The following CLVS1 variants were observed in gnomAD, a reference collection of about 807,000 sequenced individuals.
CLVS1 encodes clavesin 1, also known as clavesin-1.
CLVS1 carries 10 observed loss-of-function variants against 33.1 expected under a neutral mutation model. That is an observed-to-expected ratio of 0.30 (90% CI 0.19 to 0.51). The LOEUF is 0.51. CLVS1 is among the 20% of genes least tolerant of loss of function. The pLI is 0.97. For synonymous variants in CLVS1, 163 were observed against 166.1 expected, an observed-to-expected ratio of 0.98 and a Z score of 0.14; for missense variants, 343 against 433.4, an observed-to-expected ratio of 0.79 and a Z score of 1.85.
chr8:61,033,054 A>G, the CLVS1 span, among the ~76,000 whole-genome samples: 247 of 62,250 alleles, frequency 4.0e-3, 3 homozygotes, highest in African/African-American at 0.011. Flanking sequence ...AGAAAAAGAA[A>G]GAAAGATAGA....
At position 61,340,010 on chromosome 8, in the gene CLVS1, GAAA is replaced by G. The variant is rs147133872; in HGVS notation, c.456-36592_456-36590del. ...AAAAAGAGAAAATGAAAGAAAGGAA[GAAA>G]AAGAAAGAAAGGAAAAGAAAGAAAA... On this transcript the variant is annotated intron_variant, in intron 2 of 5. Coordinates refer to ENST00000325897, the MANE Select transcript of CLVS1 (RefSeq NM_173519.3). Among the ~76,000 whole-genome samples, 510 of 98,350 alleles carry G rather than the reference GAAA, an allele frequency of 5.2e-3. 4 individuals are homozygous for G. Among genetic ancestry groups the G allele is most frequent in the Non-Finnish European group, 9.2e-3 (419 of 45,428 alleles). The allele number at this position is 98,350 out of a possible 152,430, so 64.5% of individuals were successfully genotyped here.
chr8:61,489,094 A>G (rs1242303883), intron 5 of CLVS1, among the ~76,000 whole-genome samples: 1 of 152,218 alleles, frequency 6.6e-6, no homozygotes, highest in Admixed American at 6.5e-5. Flanking sequence ...ATAAAGTACG[A>G]TTCTATAACC....
At chr8:61,474,804 T>TTA (rs1554578659) in intron 5 of CLVS1, among the ~76,000 whole-genome samples, 21 of 152,172 alleles carry the variant, frequency 1.4e-4, no homozygotes, top group Admixed American at 1.3e-3. Flanking sequence ...GTCTTTTTTT[T>TTA]TATATATATA....
At chr8:61,373,197 C>G (rs758238620) in intron 2 of CLVS1, among the ~76,000 whole-genome samples, 7 of 152,150 alleles carry the variant, frequency 4.6e-5, no homozygotes, top group Non-Finnish European at 5.9e-5. Context: ...AAGCCAAGAA[C>G]TAAGGAAATC....
At chr8:61,192,332 G>A (rs1301115307) in intron 2 of CLVS1, among the ~76,000 whole-genome samples, 1 of 152,128 alleles carries the variant, frequency 6.6e-6, no homozygotes, top group Non-Finnish European at 1.5e-5. Flanking sequence ...TATGTAGAAA[G>A]CTGAAACTGG....
chr8:60,994,906 A>G, the CLVS1 span, among the ~76,000 whole-genome samples: 2 of 151,976 alleles, frequency 1.3e-5, no homozygotes, highest in African/African-American at 4.8e-5. Context: ...AAAACAAGCA[A>G]TGGGGAAAGG....
At chr8:61,339,947 G>C (rs571419552) in intron 2 of CLVS1, among the ~76,000 whole-genome samples, 1 of 148,648 alleles carries the variant, frequency 6.7e-6, no homozygotes, top group African/African-American at 2.5e-5. Context: ...AGAAAGAGAG[G>C]GGTAAAGGGA....
intron 2 of CLVS1, among the ~76,000 whole-genome samples, chr8:61,221,899 C>T (rs1480412364): frequency 6.6e-6 from 1 of 151,986 alleles, no homozygotes; most frequent in Non-Finnish European, 1.5e-5. Context: ...GACTTCCTCC[C>T]AATTTAGTCT....
intron 2 of CLVS1, chr8:61,202,857 A>AGAT (rs966546390): frequency 3.1e-6 from 3 of 977,394 alleles, no homozygotes; most frequent in East Asian, 2.4e-5. Flanking sequence ...ATGATGAAGA[A>AGAT]GATGATGATG....
At chr8:61,250,387 T>G (rs1250702349) in intron 2 of CLVS1, among the ~76,000 whole-genome samples, 5 of 152,158 alleles carry the variant, frequency 3.3e-5, no homozygotes, top group Non-Finnish European at 7.4e-5. Context: ...CTTAGGATTA[T>G]CTTGGCAATG....
In CLVS1 at chr8:61,217,626, AG is replaced by A. The variant is rs543286627; in HGVS notation, c.-151-82049del. Among the ~76,000 whole-genome samples, 378 of 152,330 alleles carry A rather than the reference AG, an allele frequency of 2.5e-3. 1 individual carries two copies. Among genetic ancestry groups the A allele is most frequent in the Non-Finnish European group, 4.5e-3 (307 of 68,024 alleles). On this transcript the variant is annotated intron_variant, in intron 2 of 2. Transcript: ENST00000522621. ...TTCATGATTAAGACCTCAAAAGCACAGGCAACAAAAGCAAAAGTAGTCAAAG... is the reference window on the plus strand; with the variant it reads ...TTCATGATTAAGACCTCAAAAGCACAGCAACAAAAGCAAAAGTAGTCAAAG...
the CLVS1 span, among the ~76,000 whole-genome samples, chr8:60,990,414 A>G: frequency 2.0e-5 from 3 of 152,220 alleles, no homozygotes; most frequent in Non-Finnish European, 4.4e-5. Flanking sequence ...ATTTACAGAT[A>G]AAATGACATG....
At chr8:60,987,802 C>T in the CLVS1 span, among the ~76,000 whole-genome samples, 4 of 151,966 alleles carry the variant, frequency 2.6e-5, no homozygotes, top group East Asian at 7.7e-4. Flanking sequence ...TGTGGTGGCT[C>T]GAGCCTGTAG....
intron 2 of CLVS1, among the ~76,000 whole-genome samples, chr8:61,302,494 A>G (rs771677908): frequency 5.9e-5 from 9 of 152,266 alleles, no homozygotes; most frequent in Middle Eastern, 3.4e-3. Context: ...TTAGGACCCC[A>G]TTGTTCAGCT....
At chr8:61,318,421 G>C (rs958742374) in intron 2 of CLVS1, among the ~76,000 whole-genome samples, 1 of 152,146 alleles carries the variant, frequency 6.6e-6, no homozygotes, top group Non-Finnish European at 1.5e-5. Context: ...ATACAGAGCT[G>C]AACAAGGGAG....
At chr8:61,313,701 C>T (rs1810919402) in intron 2 of CLVS1, among the ~76,000 whole-genome samples, 1 of 152,148 alleles carries the variant, frequency 6.6e-6, no homozygotes, top group Non-Finnish European at 1.5e-5. Context: ...GGGGAGAAAT[C>T]TGAAACAATG....
At chr8:61,054,438 C>T (rs1305798696), upstream of CLVS1, among the ~76,000 whole-genome samples, 2 of 152,264 alleles carry the variant, frequency 1.3e-5, no homozygotes, top group South Asian at 4.1e-4. Flanking sequence ...TGGAGGGTGA[C>T]AGGGTCAGCA....
chr8:61,315,662 TC>T (rs1420310198), intron 2 of CLVS1, among the ~76,000 whole-genome samples: 1 of 152,188 alleles, frequency 6.6e-6, no homozygotes, highest in Non-Finnish European at 1.5e-5. Context: ...CGTACTTTCT[TC>T]CCTCAACTCT....
intron 2 of CLVS1, among the ~76,000 whole-genome samples, chr8:61,175,365 A>T (rs1807094445): frequency 6.6e-6 from 1 of 152,190 alleles, no homozygotes; most frequent in Admixed American, 6.5e-5. Context: ...ACCAGGGAAC[A>T]AGCCTTCATC....
Sources: allele counts gnomAD v4.1 joint callset (sites outside exome capture counted in the v4.1 genomes callset), GRCh38; gene constraint gnomAD v4.1.1; transcripts MANE v1.5; gene names NCBI Gene and HGNC (gene_info 2026-07-23, HGNC 2026-07-21).